CDH12: variants seen among roughly 807,000 people sequenced by gnomAD.
The protein encoded by CDH12 is cadherin 12.
In CDH12, 41 loss-of-function variants were observed where a neutral mutation model predicts 74.1. The observed-to-expected ratio is 0.55, with a 90% CI of 0.43 to 0.72. The LOEUF (loss-of-function observed/expected upper bound fraction) is 0.72. CDH12 is among the 30% of genes least tolerant of loss of function. CDH12 has a pLI of 0.00. For missense variants in CDH12, 945 were observed against 977.2 expected (o/e 0.97, Z 0.44); for synonymous variants, 399 against 355.0 (o/e 1.12, Z -1.39).
chr5:22,084,062 T>G (rs1742912264), intron 4 of CDH12, among the ~76,000 whole-genome samples: 1 of 151,992 alleles, frequency 6.6e-6, no homozygotes, highest in African/African-American at 2.4e-5. Flanking sequence ...TAGGCAGAGG[T>G]AGGAAATAAT....
At position 21,970,323 on chromosome 5, in the gene CDH12, T is replaced by C. The variant is rs189266688; in HGVS notation, c.526+4768A>G. Among the ~76,000 whole-genome samples, 259 of 152,304 alleles carry C rather than the reference T, an allele frequency of 1.7e-3. 2 individuals carry two copies. Among genetic ancestry groups the C allele is most frequent in the African/African-American group, 5.8e-3 (243 of 41,574 alleles). On this transcript the variant is annotated intron_variant, in intron 6 of 14. Transcript: ENST00000382254. ...GTGGATGATAATTCACCTGTTCCTC[T>C]GCTACTAATTGAGGGGCTCTCTGTT... is the stretch of plus-strand genomic sequence containing the variant.
At chr5:22,380,426 CT>C (rs1290230654) in intron 3 of CDH12, among the ~76,000 whole-genome samples, 1 of 151,884 alleles carries the variant, frequency 6.6e-6, no homozygotes, top group Admixed American at 6.6e-5. Flanking sequence ...CACAAAATGC[CT>C]TTTTTAACAT....
At chr5:22,307,707 G>A (rs1203702136) in intron 3 of CDH12, among the ~76,000 whole-genome samples, 2 of 151,908 alleles carry the variant, frequency 1.3e-5, no homozygotes, top group Non-Finnish European at 2.9e-5. Context: ...ATGAAAAAGA[G>A]TCTTCTTGCA....
intron 3 of CDH12, among the ~76,000 whole-genome samples, chr5:22,292,608 G>A (rs1737442728): frequency 7.0e-6 from 1 of 141,886 alleles, no homozygotes; most frequent in Non-Finnish European, 1.6e-5. Context: ...CAAAGGACCT[G>A]AAAGATGCTT....
At chr5:22,000,696 T>G (rs1736552774) in intron 5 of CDH12, among the ~76,000 whole-genome samples, 1 of 152,138 alleles carries the variant, frequency 6.6e-6, no homozygotes, top group African/African-American at 2.4e-5. Flanking sequence ...GTGGAAGAAT[T>G]AAAGATTATT....
intron 6 of CDH12, among the ~76,000 whole-genome samples, chr5:21,966,445 G>T (rs1756590465): frequency 6.6e-6 from 1 of 152,024 alleles, no homozygotes; most frequent in South Asian, 2.1e-4. Context: ...CAGATGATAT[G>T]TTGAATTTAG....
chr5:22,122,153 A>G lies in CDH12; in HGVS notation c.-186-43291T>C, dbSNP rs189272707. ...CGCAGTGGCTTATGCCTGTAATCCCAGCACTTTTGGAGGCCTAGGTGGGTG... is the reference window on the plus strand; with the variant it reads ...CGCAGTGGCTTATGCCTGTAATCCCGGCACTTTTGGAGGCCTAGGTGGGTG... On this transcript the variant is annotated intron_variant, in intron 4 of 14. Transcript: ENST00000382254. Among the ~76,000 whole-genome samples the G allele has an allele frequency of 2.6e-3, 395 of 152,304 alleles. 6 individuals carry two copies. Among genetic ancestry groups the G allele is most frequent in the African/African-American group, 9.0e-3 (373 of 41,570 alleles).
At chr5:22,715,912 G>A (rs780474747) in intron 1 of CDH12, among the ~76,000 whole-genome samples, 5 of 152,018 alleles carry the variant, frequency 3.3e-5, no homozygotes, top group South Asian at 2.1e-4. Context: ...CTTGGTGTGC[G>A]GATCACTTGA....
At chr5:22,839,131 A>C (rs755890635) in intron 1 of CDH12, among the ~76,000 whole-genome samples, 2 of 152,132 alleles carry the variant, frequency 1.3e-5, no homozygotes, top group Non-Finnish European at 2.9e-5. Flanking sequence ...TGTAGCATAG[A>C]TTTTTTTGTA....
intron 1 of CDH12, among the ~76,000 whole-genome samples, chr5:22,760,736 C>T (rs913683259): frequency 3.5e-5 from 5 of 142,414 alleles, no homozygotes; most frequent in African/African-American, 1.3e-4. Context: ...ATCAATACGT[C>T]AAACATTCTG....
At chr5:22,036,157 A>G (rs1486274282) in intron 5 of CDH12, among the ~76,000 whole-genome samples, 1 of 152,208 alleles carries the variant, frequency 6.6e-6, no homozygotes, top group Non-Finnish European at 1.5e-5. Context: ...ACTGTTTATC[A>G]ATTGATACAT....
chr5:21,952,117 A>G (rs149290671), intron 6 of CDH12, among the ~76,000 whole-genome samples: 180 of 152,326 alleles, frequency 1.2e-3, no homozygotes, highest in African/African-American at 4.2e-3. Flanking sequence ...GAGGGTACTA[A>G]TAGTTCCAGA....
At chr5:21,811,736 G>A (rs1243076966) in intron 9 of CDH12, among the ~76,000 whole-genome samples, 1 of 129,056 alleles carries the variant, frequency 7.7e-6, no homozygotes. Flanking sequence ...AGTTTTCTCA[G>A]AGTGGTAGGA....
intron 2 of CDH12, among the ~76,000 whole-genome samples, chr5:22,431,120 C>T (rs763096094): frequency 3.9e-5 from 6 of 152,190 alleles, no homozygotes; most frequent in South Asian, 2.1e-4. Context: ...TTTTCAATTG[C>T]GTCATCCAAG....
chr5:22,513,462 G>A (rs1252970573), intron 1 of CDH12, among the ~76,000 whole-genome samples: 1 of 152,006 alleles, frequency 6.6e-6, no homozygotes, highest in African/African-American at 2.4e-5. Flanking sequence ...TAATGAACAT[G>A]AAATGAGCAT....
In CDH12 at chr5:22,163,649, A is replaced by G. The variant is rs541774757; in HGVS notation, c.-187+48849T>C. 1.0e-3 allele frequency among the ~76,000 whole-genome samples: 153 copies of G among 152,306 alleles called. 1 individual carries two copies. Among genetic ancestry groups the G allele is most frequent in the Non-Finnish European group, 1.7e-3 (115 of 68,016 alleles). On this transcript the variant is annotated intron_variant, in intron 4 of 14. Transcript: ENST00000382254. The stretch of plus-strand genomic sequence containing the variant: ...TTTGTTAGAATTATCCTGACATGAG[A>G]CACCATTGTCTCTTGCCTGAAGTAT...
intron 1 of CDH12, among the ~76,000 whole-genome samples, chr5:22,740,520 A>G (rs1278939401): frequency 1.3e-5 from 2 of 152,196 alleles, no homozygotes; most frequent in South Asian, 2.1e-4. Context: ...GTTAAAAGTC[A>G]CTTTTAAATA....
chr5:21,772,541 T>C (rs750587078), intron 11 of CDH12, among the ~76,000 whole-genome samples: 2 of 152,200 alleles, frequency 1.3e-5, no homozygotes, highest in Non-Finnish European at 2.9e-5. Flanking sequence ...TCCAAAGTGC[T>C]GGGATTATAG....
At chr5:22,780,600 A>C (rs1157238694) in intron 1 of CDH12, among the ~76,000 whole-genome samples, 1 of 152,122 alleles carries the variant, frequency 6.6e-6, no homozygotes, top group Non-Finnish European at 1.5e-5. Context: ...CAAGAACAGC[A>C]TGGGGATAAC....
Sources: gnomAD v4.1 joint callset for allele counts (sites outside exome capture counted in the v4.1 genomes callset) on GRCh38, gnomAD v4.1.1 for gene constraint, MANE v1.5 for transcripts, NCBI Gene and HGNC (gene_info 2026-07-23, HGNC 2026-07-21) for gene names.